GALNTL6: variants seen among roughly 807,000 people sequenced by gnomAD.
GALNTL6 encodes the protein polypeptide N-acetylgalactosaminyltransferase-like 6.
Under a neutral mutation model 73.7 loss-of-function variants are expected in GALNTL6, and 46 were observed. The ratio of observed to expected loss-of-function variants is 0.62; its 90% CI spans 0.49 to 0.80. GALNTL6 has a LOEUF of 0.80. GALNTL6 is among the 30% of genes least tolerant of loss of function. The pLI, the probability that GALNTL6 is intolerant of heterozygous loss-of-function variation, is 0.00. For synonymous variants in GALNTL6, 259 were observed against 263.7 expected, an observed-to-expected ratio of 0.98 and a Z score of 0.17; for missense variants, 604 against 755.0, an observed-to-expected ratio of 0.80 and a Z score of 2.34.
intron 5 of GALNTL6, among the ~76,000 whole-genome samples, chr4:172,512,691 T>A (rs1734466975): frequency 6.6e-6 from 1 of 152,160 alleles, no homozygotes; most frequent in African/African-American, 2.4e-5. Flanking sequence ...TATCTTTCCT[T>A]CATTTATAAG....
At position 172,467,835 on chromosome 4, in the gene GALNTL6, T is replaced by TTTCTTTCC. The variant is rs1253316815; in HGVS notation, c.553+119153_553+119154insCTTCTTTC. ...CTTTCTTTCTTTCTTTCTTTCTTTC[T>TTTCTTTCC]TTCTTTCTTTCTTTCTTTCTTTCTT... On this transcript the variant is annotated intron_variant, in intron 5 of 12. Transcript: ENST00000506823. Among the ~76,000 whole-genome samples the TTTCTTTCC allele has an allele frequency of 8.0e-5, 12 of 149,934 alleles. No homozygotes were observed. In the East Asian group the frequency reaches 2.1e-3, roughly 27 times the overall value.
chr4:172,124,677 A>G (rs756633076), intron 2 of GALNTL6, among the ~76,000 whole-genome samples: 2 of 152,246 alleles, frequency 1.3e-5, no homozygotes, highest in Non-Finnish European at 2.9e-5. Context: ...AAAGAAAAAA[A>G]CAAATCTACT....
rs150540305 is a variant in GALNTL6, at chr4:172,421,011, G to A, written c.553+72322G>A. On this transcript the variant is annotated intron_variant, in intron 5 of 12. Coordinates refer to ENST00000506823, the MANE Select transcript of GALNTL6 (RefSeq NM_001034845.3). Reference sequence around the variant, plus strand: ...GGAACCAGGGCCTGTCAGGGGGTTGGGGGCAAGGGGAGAGAGAGCATTAGG... The same window carrying A: ...GGAACCAGGGCCTGTCAGGGGGTTGAGGGCAAGGGGAGAGAGAGCATTAGG... Among the ~76,000 whole-genome samples the A allele has an allele frequency of 6.1e-3, 935 of 152,122 alleles. 6 individuals carry two copies. Among genetic ancestry groups the A allele is most frequent in the Admixed American group, 0.012 (189 of 15,256 alleles).
intron 4 of GALNTL6, among the ~76,000 whole-genome samples, chr4:172,326,554 T>C (rs1740950429): frequency 6.6e-6 from 1 of 152,006 alleles, no homozygotes; most frequent in Admixed American, 6.6e-5. Context: ...TGACATATCT[T>C]CTGTACATTT....
chr4:172,227,222 A>T (rs1315802324), intron 2 of GALNTL6, among the ~76,000 whole-genome samples: 1 of 152,120 alleles, frequency 6.6e-6, no homozygotes. Flanking sequence ...TCAATTCTCC[A>T]GGTAGGAATT....
intron 2 of GALNTL6, among the ~76,000 whole-genome samples, chr4:171,931,733 A>G (rs1427848132): frequency 6.6e-6 from 1 of 152,158 alleles, no homozygotes; most frequent in East Asian, 1.9e-4. Context: ...GAGGATGAAA[A>G]TTGTGCTTTA....
chr4:172,632,470 T>C (rs535135022), intron 5 of GALNTL6, among the ~76,000 whole-genome samples: 1 of 152,096 alleles, frequency 6.6e-6, no homozygotes, highest in African/African-American at 2.4e-5. Context: ...GCAAAAAGAC[T>C]GGTGATATTT....
chr4:172,441,054 C>G (rs532018564), intron 5 of GALNTL6, among the ~76,000 whole-genome samples: 3 of 151,912 alleles, frequency 2.0e-5, no homozygotes, highest in Admixed American at 2.0e-4. Context: ...TTTATGTTTT[C>G]TTCATTAAAT....
chr4:172,326,629 T>C (rs1209283747), intron 4 of GALNTL6, among the ~76,000 whole-genome samples: 3 of 151,992 alleles, frequency 2.0e-5, no homozygotes, highest in Non-Finnish European at 4.4e-5. Context: ...GGTGGCGATC[T>C]GGCAATCTCT....
intron 8 of GALNTL6, among the ~76,000 whole-genome samples, chr4:172,885,261 A>G (rs1244542935): frequency 2.0e-5 from 3 of 152,144 alleles, no homozygotes; most frequent in Non-Finnish European, 4.4e-5. Flanking sequence ...AGACCATGGT[A>G]TATCTTTCCA....
chr4:172,100,946 A>G (rs948209340), intron 2 of GALNTL6, among the ~76,000 whole-genome samples: 6 of 152,252 alleles, frequency 3.9e-5, no homozygotes, highest in South Asian at 2.1e-4. Flanking sequence ...ACAAATACAT[A>G]CCCTTAAGTT....
intron 4 of GALNTL6, among the ~76,000 whole-genome samples, chr4:172,338,613 G>C (rs962354742): frequency 3.3e-5 from 5 of 152,040 alleles, no homozygotes; most frequent in Non-Finnish European, 7.4e-5. Context: ...ATCACTTCTG[G>C]GTAAAAGCCA....
chr4:172,209,495 A>G (rs1441795172), intron 2 of GALNTL6, among the ~76,000 whole-genome samples: 1 of 152,042 alleles, frequency 6.6e-6, no homozygotes, highest in Non-Finnish European at 1.5e-5. Context: ...TTAAAAAATA[A>G]TACATACTTA....
chr4:172,216,558 G>T (rs1031583980), intron 2 of GALNTL6, among the ~76,000 whole-genome samples: 5 of 151,924 alleles, frequency 3.3e-5, no homozygotes, highest in African/African-American at 1.2e-4. Context: ...TATTTGTTCT[G>T]ATTGGTATTC....
rs1413110905 is a variant in GALNTL6 at position 172,738,815 on chromosome 4, G to T, written c.554-70546G>T. ...GATATACTTTGGTTTGGTCCAGAAA[G>T]GTGAGACAACTCAAAGCAGGTGGGT... is the stretch of plus-strand genomic sequence containing the variant. On this transcript the variant is annotated intron_variant, in intron 5 of 12. Coordinates refer to ENST00000506823, the MANE Select transcript of GALNTL6 (RefSeq NM_001034845.3). Among the ~76,000 whole-genome samples, 4 of 152,114 alleles carry T rather than the reference G, an allele frequency of 2.6e-5. No individual in the cohort carries two copies. In the South Asian group the frequency reaches 6.2e-4, roughly 24 times the overall value.
At chr4:172,334,699 T>C (rs976984065) in intron 4 of GALNTL6, among the ~76,000 whole-genome samples, 1 of 152,150 alleles carries the variant, frequency 6.6e-6, no homozygotes, top group Non-Finnish European at 1.5e-5. Context: ...TATCTTTTCA[T>C]ATTTGGTTGC....
intron 2 of GALNTL6, among the ~76,000 whole-genome samples, chr4:171,818,583 A>G (rs1241205125): frequency 6.6e-6 from 1 of 151,420 alleles, no homozygotes; most frequent in Non-Finnish European, 1.5e-5. Context: ...ATTAAAAAAA[A>G]AAAAAAAGCC....
intron 12 of GALNTL6, among the ~76,000 whole-genome samples, 157 bp downstream of exon 12, chr4:173,021,782 T>C (rs541124714): frequency 2.6e-5 from 4 of 151,784 alleles, no homozygotes; most frequent in Non-Finnish European, 5.9e-5. Context: ...TCACCTGAGG[T>C]TGGAGTTTGA....
chr4:172,044,981 G>A lies in GALNTL6; in HGVS notation c.139-184675G>A, dbSNP rs942686221. On this transcript the variant is annotated intron_variant, in intron 2 of 12. Transcript: ENST00000506823. ...TGGATGAAAAAAATGTAAAACCCATGTCAAGTATGCCAGCCTGTGCTGTGT... is the reference window on the plus strand; with the variant it reads ...TGGATGAAAAAAATGTAAAACCCATATCAAGTATGCCAGCCTGTGCTGTGT... Among the ~76,000 whole-genome samples the A allele has an allele frequency of 4.8e-4, 73 of 151,980 alleles. 1 individual carries two copies. Among genetic ancestry groups the A allele is most frequent in the African/African-American group, 1.6e-3 (68 of 41,428 alleles).
Sources: gnomAD v4.1 joint callset for allele counts (sites outside exome capture counted in the v4.1 genomes callset) on GRCh38, gnomAD v4.1.1 for gene constraint, MANE v1.5 for transcripts, NCBI Gene and HGNC (gene_info 2026-07-23, HGNC 2026-07-21) for gene names.